The following CTNNA2 variants were observed in gnomAD, a reference collection of about 807,000 sequenced individuals.
The protein encoded by CTNNA2 is catenin alpha-2.
A neutral mutation model predicts 101.0 loss-of-function variants in CTNNA2; 42 were observed. The observed-to-expected ratio is 0.42, with a 90% CI of 0.32 to 0.54. CTNNA2 has a LOEUF of 0.54. CTNNA2 is among the 20% of genes least tolerant of loss of function. The pLI is 0.14. For synonymous variants in CTNNA2, 450 were observed against 456.4 expected (o/e 0.99, Z 0.18); for missense variants, 871 against 1,223.1 (o/e 0.71, Z 4.29).
chr2:80,004,521 A>G (rs543450594), intron 7 of CTNNA2, among the ~76,000 whole-genome samples: 4 of 152,240 alleles, frequency 2.6e-5, no homozygotes, highest in South Asian at 2.1e-4. Context: ...AGATGGGTCA[A>G]TGCTTTACCT....
chr2:79,592,375 A>C (rs1573426917), intron 1 of CTNNA2, among the ~76,000 whole-genome samples: 1 of 151,558 alleles, frequency 6.6e-6, no homozygotes. Flanking sequence ...CAGGTGATCC[A>C]CCCGCCTTGG....
chr2:80,544,772 A>G (rs1691892094), intron 9 of CTNNA2, among the ~76,000 whole-genome samples: 1 of 152,202 alleles, frequency 6.6e-6, no homozygotes, highest in Non-Finnish European at 1.5e-5. Flanking sequence ...TATATGCTTG[A>G]GAGTCGTGAA....
chr2:80,433,632 G>A (rs1346300991), intron 9 of CTNNA2, among the ~76,000 whole-genome samples: 1 of 152,102 alleles, frequency 6.6e-6, no homozygotes, highest in Non-Finnish European at 1.5e-5. Flanking sequence ...AGCTCTTCCT[G>A]ATGCAGCTCT....
chr2:80,175,933 G>C (rs990419145), intron 7 of CTNNA2, among the ~76,000 whole-genome samples: 16 of 152,224 alleles, frequency 1.1e-4, no homozygotes, highest in African/African-American at 3.6e-4. Context: ...GACTCAGCCA[G>C]TCTTATCCTT....
chr2:79,391,107 T>G (rs2104472079), intron 4 of CTNNA2, among the ~76,000 whole-genome samples: 1 of 152,302 alleles, frequency 6.6e-6, no homozygotes, highest in East Asian at 1.9e-4. Context: ...CTCCGGATTC[T>G]GCAAAAGGTG....
At chr2:79,389,382 A>G (rs1024862773) in intron 4 of CTNNA2, among the ~76,000 whole-genome samples, 3 of 152,196 alleles carry the variant, frequency 2.0e-5, no homozygotes, top group Non-Finnish European at 2.9e-5. Flanking sequence ...ATGAGACTAG[A>G]AATATGTAAA....
chr2:80,316,326 A>T (rs1189205982), intron 7 of CTNNA2, among the ~76,000 whole-genome samples: 1 of 152,196 alleles, frequency 6.6e-6, no homozygotes, highest in Non-Finnish European at 1.5e-5. Flanking sequence ...CACCATTCAG[A>T]TATTAGAGCA....
At chr2:80,094,735 T>C (rs1412574568) in intron 7 of CTNNA2, among the ~76,000 whole-genome samples, 1 of 152,168 alleles carries the variant, frequency 6.6e-6, no homozygotes, top group Non-Finnish European at 1.5e-5. Flanking sequence ...CCTTGTAAGT[T>C]GGATTCCTAG....
chr2:79,926,997 G>A (rs1687064003), intron 7 of CTNNA2, among the ~76,000 whole-genome samples: 1 of 152,096 alleles, frequency 6.6e-6, no homozygotes, highest in Admixed American at 6.6e-5. Context: ...TTTGAAAGGT[G>A]TACAGCAATA....
At chr2:80,298,286 AGCCAACATC>A (rs1191331012) in intron 7 of CTNNA2, 3 of 152,200 alleles carry the variant, frequency 2.0e-5, no homozygotes, top group Admixed American at 2.0e-4. Flanking sequence ...GACCCAAATC[AGCCAACATC>A]GCCACTCATC....
intron 2 of CTNNA2, among the ~76,000 whole-genome samples, chr2:79,660,374 TATATA>T (rs1248704865): frequency 6.6e-6 from 1 of 151,160 alleles, no homozygotes; most frequent in African/African-American, 2.4e-5. Flanking sequence ...TACATACACA[TATATA>T]GTATACACAT....
At chr2:80,548,590 T>C (rs1018531013) in intron 11 of CTNNA2, among the ~76,000 whole-genome samples, 1 of 152,098 alleles carries the variant, frequency 6.6e-6, no homozygotes, top group African/African-American at 2.4e-5. Flanking sequence ...CCAACCCCAG[T>C]GGTACAAGTG....
intron 1 of CTNNA2, among the ~76,000 whole-genome samples, chr2:79,629,822 G>A (rs1403498225): frequency 6.6e-6 from 1 of 152,060 alleles, no homozygotes; most frequent in Non-Finnish European, 1.5e-5. Context: ...TGGCATCTTT[G>A]TGCCTTGCTG....
chr2:79,851,737 CTTTTTTTTTTTTT>C (rs11399192), intron 3 of CTNNA2, among the ~76,000 whole-genome samples: 4 of 87,124 alleles, frequency 4.6e-5, no homozygotes, highest in African/African-American at 1.4e-4. Context: ...TTTTCTTTTC[CTTTTTTTTTTTTT>C]TTTTTTTTTG....
chr2:79,865,823 C>G (rs987487607), intron 4 of CTNNA2, among the ~76,000 whole-genome samples: 2 of 152,200 alleles, frequency 1.3e-5, no homozygotes, highest in African/African-American at 4.8e-5. Flanking sequence ...GGGTTCATGC[C>G]ATTCTGGTGC....
intron 9 of CTNNA2, among the ~76,000 whole-genome samples, chr2:80,450,952 T>A (rs1381853353): frequency 6.6e-6 from 1 of 151,624 alleles, no homozygotes; most frequent in African/African-American, 2.4e-5. Context: ...TCTTCATTAA[T>A]AACCTCCTGA....
intron 7 of CTNNA2, among the ~76,000 whole-genome samples, chr2:80,326,528 G>A (rs569615643): frequency 6.6e-6 from 1 of 152,182 alleles, no homozygotes; most frequent in South Asian, 2.1e-4. Context: ...AGGGTGATAT[G>A]GGTAAGTGGA....
intron 2 of CTNNA2, among the ~76,000 whole-genome samples, chr2:79,703,424 C>A (rs1291404792): frequency 1.3e-5 from 2 of 152,134 alleles, no homozygotes; most frequent in Non-Finnish European, 2.9e-5. Context: ...ATTTTCTTAT[C>A]GCTTACCTAT....
intron 2 of CTNNA2, among the ~76,000 whole-genome samples, chr2:79,655,808 G>A (rs559102656): frequency 6.1e-5 from 9 of 146,834 alleles, no homozygotes; most frequent in East Asian, 4.2e-4. Context: ...TAACCTGGGC[G>A]ACAGAGCGAG....
Sources: gnomAD v4.1 joint callset for allele counts (sites outside exome capture counted in the v4.1 genomes callset) on GRCh38, gnomAD v4.1.1 for gene constraint, MANE v1.5 for transcripts, NCBI Gene and HGNC (gene_info 2026-07-23, HGNC 2026-07-21) for gene names.